The following SGCZ variants were observed in gnomAD, a reference collection of about 807,000 sequenced individuals.
The protein encoded by SGCZ is zeta-sarcoglycan.
A neutral mutation model predicts 41.3 loss-of-function variants in SGCZ; 40 were observed. That is an observed-to-expected ratio of 0.97 (90% CI 0.75 to 1.26). The LOEUF (loss-of-function observed/expected upper bound fraction) is 1.26, where lower values mean the gene tolerates loss of function less well. SGCZ is among the 50% of genes most tolerant of loss of function. SGCZ has a pLI of 0.00. For synonymous variants in SGCZ, 206 were observed against 137.5 expected (o/e 1.50, Z -3.49); for missense variants, 552 against 369.8 (o/e 1.49, Z -4.04).
intron 1 of SGCZ, among the ~76,000 whole-genome samples, chr8:15,232,619 G>C (rs1801980040): frequency 1.3e-5 from 2 of 148,268 alleles, no homozygotes; most frequent in South Asian, 2.1e-4. Context: ...AAAAATTCAA[G>C]ATTATATATA....
chr8:15,206,448 G>T (rs993906249), intron 1 of SGCZ, among the ~76,000 whole-genome samples: 1 of 87,662 alleles, frequency 1.1e-5, no homozygotes, highest in African/African-American at 3.8e-5. Context: ...TTACTCTGGG[G>T]AGTCTTTTTT....
At chr8:14,525,558 A>C (rs1802921421) in intron 2 of SGCZ, among the ~76,000 whole-genome samples, 1 of 152,172 alleles carries the variant, frequency 6.6e-6, no homozygotes. Context: ...TATATTTCTC[A>C]TTTGAGATCC....
chr8:14,259,507 C>A (rs963881394), intron 3 of SGCZ, among the ~76,000 whole-genome samples: 1 of 148,060 alleles, frequency 6.8e-6, no homozygotes, highest in African/African-American at 2.5e-5. Flanking sequence ...AGGAAGGGAT[C>A]CAGTTTCAGC....
intron 2 of SGCZ, among the ~76,000 whole-genome samples, chr8:14,440,851 G>GTA (rs1563331103): frequency 1.5e-5 from 2 of 129,784 alleles, no homozygotes; most frequent in Admixed American, 1.6e-4. Context: ...GTACATATAT[G>GTA]TACACACACA....
intron 1 of SGCZ, among the ~76,000 whole-genome samples, chr8:14,840,233 G>A (rs1265407103): frequency 1.3e-5 from 2 of 151,998 alleles, no homozygotes; most frequent in East Asian, 3.9e-4. Context: ...TGTTAATCAG[G>A]GTTGCCAGTG....
chr8:14,259,187 A>T (rs1422155057), intron 3 of SGCZ, among the ~76,000 whole-genome samples: 1 of 152,204 alleles, frequency 6.6e-6, no homozygotes, highest in African/African-American at 2.4e-5. Flanking sequence ...TTTATGCCAT[A>T]GATAAAATAC....
intron 1 of SGCZ, among the ~76,000 whole-genome samples, chr8:14,625,410 A>T (rs1806422034): frequency 1.3e-5 from 2 of 152,312 alleles, no homozygotes; most frequent in East Asian, 3.9e-4. Flanking sequence ...CTTATGATCA[A>T]GACTGCAGAA....
At chr8:14,980,588 G>A (rs1801627353) in intron 1 of SGCZ, among the ~76,000 whole-genome samples, 1 of 152,162 alleles carries the variant, frequency 6.6e-6, no homozygotes, top group Admixed American at 6.5e-5. Context: ...GCACAGAGGA[G>A]CAAGTCACGT....
chr8:14,789,006 G>A (rs1899370), intron 1 of SGCZ, among the ~76,000 whole-genome samples: 53,928 of 151,902 alleles, frequency 0.36, 11,720 homozygotes, highest in East Asian at 0.5. Flanking sequence ...CCTTCTGTTC[G>A]AAAACACCTT....
intron 1 of SGCZ, among the ~76,000 whole-genome samples, chr8:14,927,641 G>C (rs778827005): frequency 1.2e-4 from 19 of 152,198 alleles, no homozygotes; most frequent in African/African-American, 3.1e-4. Context: ...AAAAGATCCA[G>C]AAATATATTT....
At chr8:14,730,544 A>ATGTGGGAGTTGAACAATGAGAACATGTG in intron 1 of SGCZ, among the ~76,000 whole-genome samples, 1 of 152,124 alleles carries the variant, frequency 6.6e-6, no homozygotes, top group African/African-American at 2.4e-5. Flanking sequence ...GAAGGGAATC[A>ATGTGGGAGTTGAACAATGAGAACATGTG]GAAACAACAT....
chr8:14,366,263 G>C (rs974314472), intron 2 of SGCZ, among the ~76,000 whole-genome samples: 2 of 152,106 alleles, frequency 1.3e-5, no homozygotes, highest in Non-Finnish European at 2.9e-5. Flanking sequence ...GGAAGCCTCA[G>C]GAAACTTACA....
At chr8:14,918,922 G>C (rs913633458) in intron 1 of SGCZ, among the ~76,000 whole-genome samples, 7 of 152,198 alleles carry the variant, frequency 4.6e-5, no homozygotes, top group Admixed American at 3.3e-4. Context: ...TCTGAAGGCA[G>C]CATATGTTTT....
At chr8:14,884,501 T>C (rs946212460) in intron 1 of SGCZ, among the ~76,000 whole-genome samples, 2 of 152,080 alleles carry the variant, frequency 1.3e-5, no homozygotes, top group African/African-American at 4.8e-5. Context: ...AGACCTAACA[T>C]ACACTGGGTG....
intron 2 of SGCZ, among the ~76,000 whole-genome samples, chr8:14,533,853 T>C (rs1803212558): frequency 6.6e-6 from 1 of 152,034 alleles, no homozygotes; most frequent in Non-Finnish European, 1.5e-5. Context: ...TAGGGTTACA[T>C]AGCTCTCAGT....
At chr8:14,470,952 T>A (rs557570155) in intron 2 of SGCZ, among the ~76,000 whole-genome samples, 1 of 152,138 alleles carries the variant, frequency 6.6e-6, no homozygotes, top group Non-Finnish European at 1.5e-5. Context: ...CCAGGCACAA[T>A]CATCACTTCA....
intron 1 of SGCZ, among the ~76,000 whole-genome samples, chr8:15,086,476 CAT>C (rs1219270379): frequency 1.6e-4 from 24 of 152,074 alleles, no homozygotes; most frequent in Admixed American, 1.4e-3. Flanking sequence ...TGTATCTGAA[CAT>C]ATGTCTTGTA....
At chr8:14,899,881 G>C (rs1798904999) in intron 1 of SGCZ, among the ~76,000 whole-genome samples, 1 of 141,676 alleles carries the variant, frequency 7.1e-6, no homozygotes, top group Admixed American at 7.0e-5. Flanking sequence ...GAGGAGGAGA[G>C]GAAAATGCTT....
At chr8:14,369,092 T>C (rs1397939614) in intron 2 of SGCZ, among the ~76,000 whole-genome samples, 1 of 151,688 alleles carries the variant, frequency 6.6e-6, no homozygotes, top group Non-Finnish European at 1.5e-5. Flanking sequence ...TTATTAAATA[T>C]AGTACAAATA....
Sources: gnomAD v4.1 joint callset for allele counts (sites outside exome capture counted in the v4.1 genomes callset) on GRCh38, gnomAD v4.1.1 for gene constraint, MANE v1.5 for transcripts, NCBI Gene and HGNC (gene_info 2026-07-23, HGNC 2026-07-21) for gene names.